The following PDE7B variants were observed in gnomAD, a reference collection of about 807,000 sequenced individuals.
PDE7B encodes the protein 3',5'-cyclic-AMP phosphodiesterase 7B.
A neutral mutation model predicts 56.2 loss-of-function variants in PDE7B; 29 were observed. That is an observed-to-expected ratio of 0.52 (90% CI 0.38 to 0.70). The LOEUF is 0.70. PDE7B is among the 30% of genes least tolerant of loss of function. PDE7B has a pLI of 0.00. For synonymous variants in PDE7B, 197 were observed against 196.9 expected, an observed-to-expected ratio of 1.00 and a Z score of 0.00; for missense variants, 490 against 565.0, an observed-to-expected ratio of 0.87 and a Z score of 1.35.
At chr6:136,191,150 C>T (rs1203982445) in intron 12 of PDE7B, among the ~76,000 whole-genome samples, 1 of 150,382 alleles carries the variant, frequency 6.6e-6, no homozygotes, top group Non-Finnish European at 1.5e-5. Context: ...ATTGTCATAA[C>T]AACCCTACGA....
chr6:136,083,929 T>C (rs532927507), intron 2 of PDE7B, among the ~76,000 whole-genome samples: 2 of 152,352 alleles, frequency 1.3e-5, no homozygotes, highest in African/African-American at 4.8e-5. Context: ...ATTAGCATTG[T>C]TGTAAATTTA....
At chr6:135,886,410 T>A (rs1334279475) in intron 1 of PDE7B, among the ~76,000 whole-genome samples, 1 of 152,038 alleles carries the variant, frequency 6.6e-6, no homozygotes, top group Non-Finnish European at 1.5e-5. Context: ...TGGGTATAAG[T>A]GGTTTTTGGT....
chr6:136,149,371 G>T (rs578139030), intron 5 of PDE7B, among the ~76,000 whole-genome samples: 33 of 152,264 alleles, frequency 2.2e-4, no homozygotes, highest in African/African-American at 7.9e-4. Flanking sequence ...GTTTCCTTGT[G>T]ACCTTGATCA....
chr6:136,089,086 A>G (rs974265645), intron 2 of PDE7B, among the ~76,000 whole-genome samples: 1 of 152,140 alleles, frequency 6.6e-6, no homozygotes, highest in African/African-American at 2.4e-5. Flanking sequence ...GAACTTCAGT[A>G]CCTCATTTTC....
At chr6:135,857,886 A>C (rs9494399) in intron 1 of PDE7B, among the ~76,000 whole-genome samples, 6,038 of 152,208 alleles carry the variant, frequency 0.04, 383 homozygotes, top group African/African-American at 0.14. Context: ...ATACTTTTTA[A>C]AAATTTCTGG....
At chr6:136,090,088 A>T (rs1451574414) in intron 2 of PDE7B, among the ~76,000 whole-genome samples, 1 of 152,174 alleles carries the variant, frequency 6.6e-6, no homozygotes, top group African/African-American at 2.4e-5. Context: ...TAACTCAAAA[A>T]GTGCTGTATT....
At chr6:135,858,728 C>A (rs1389021017) in intron 1 of PDE7B, among the ~76,000 whole-genome samples, 1 of 151,536 alleles carries the variant, frequency 6.6e-6, no homozygotes, top group African/African-American at 2.4e-5. Context: ...GTTACACGCC[C>A]AATTATTTGA....
chr6:135,853,170 C>G (rs1341281132), intron 1 of PDE7B, among the ~76,000 whole-genome samples: 1 of 152,146 alleles, frequency 6.6e-6, no homozygotes, highest in Non-Finnish European at 1.5e-5. Flanking sequence ...TCCAAAATTT[C>G]TAACCGATTT....
chr6:135,950,423 A>G (rs1458792915), intron 2 of PDE7B, among the ~76,000 whole-genome samples: 1 of 152,176 alleles, frequency 6.6e-6, no homozygotes, highest in Non-Finnish European at 1.5e-5. Flanking sequence ...GTAAAGGACT[A>G]TTGTGTTTTA....
At chr6:135,941,107 GC>G (rs1774499231) in intron 1 of PDE7B, among the ~76,000 whole-genome samples, 1 of 152,218 alleles carries the variant, frequency 6.6e-6, no homozygotes, top group Non-Finnish European at 1.5e-5. Flanking sequence ...GGTGAAAGCA[GC>G]CTGTGCTTAA....
At chr6:136,069,746 C>T (rs1323565474) in intron 2 of PDE7B, among the ~76,000 whole-genome samples, 2 of 152,016 alleles carry the variant, frequency 1.3e-5, no homozygotes, top group Non-Finnish European at 2.9e-5. Context: ...GTTAAAATCA[C>T]AATATCTTCA....
intron 1 of PDE7B, among the ~76,000 whole-genome samples, chr6:135,940,043 T>C (rs777609507): frequency 6.6e-6 from 1 of 151,366 alleles, no homozygotes; most frequent in African/African-American, 2.4e-5. Flanking sequence ...TCCATAAAGA[T>C]TTTTTTTTAA....
intron 2 of PDE7B, among the ~76,000 whole-genome samples, chr6:135,972,576 A>C (rs954527280): frequency 6.6e-6 from 1 of 152,168 alleles, no homozygotes; most frequent in African/African-American, 2.4e-5. Flanking sequence ...TGCACACATC[A>C]CACTGTGGTT....
intron 2 of PDE7B, 108 bp downstream of exon 2, chr6:135,947,632 G>C (rs1043624044): frequency 2.6e-6 from 2 of 774,192 alleles, no homozygotes; most frequent in African/African-American, 1.7e-5. Flanking sequence ...GAGGCTGATA[G>C]GTTCTTTTGT....
chr6:136,167,918 T>C (rs1413947741), intron 8 of PDE7B, among the ~76,000 whole-genome samples: 2 of 152,150 alleles, frequency 1.3e-5, no homozygotes, highest in African/African-American at 2.4e-5. Flanking sequence ...CTGAGTTTAA[T>C]AGGACACAGG....
intron 2 of PDE7B, among the ~76,000 whole-genome samples, chr6:135,957,403 A>G (rs2128200887): frequency 6.6e-6 from 1 of 152,314 alleles, no homozygotes; most frequent in Admixed American, 6.5e-5. Flanking sequence ...CTTTAAAATT[A>G]AAAAATACAG....
chr6:136,079,304 T>C (rs1442338754), intron 2 of PDE7B, among the ~76,000 whole-genome samples: 1 of 152,192 alleles, frequency 6.6e-6, no homozygotes, highest in Non-Finnish European at 1.5e-5. Context: ...AACCGTCACT[T>C]TATAGGCTTA....
chr6:136,036,765 G>A (rs1300012666), intron 2 of PDE7B, among the ~76,000 whole-genome samples: 1 of 152,204 alleles, frequency 6.6e-6, no homozygotes, highest in Non-Finnish European at 1.5e-5. Context: ...GGCATGCCAA[G>A]CAAAATAAAG....
rs1179088777 is a variant in PDE7B at position 136,176,598 on chromosome 6, C to G, written c.804-2399C>G. Among the ~76,000 whole-genome samples the G allele has an allele frequency of 4.6e-5, 7 of 152,044 alleles. No individual in the cohort carries two copies. The South Asian group carries it at 1.5e-3, about 32-fold the overall frequency. On this transcript the variant is annotated intron_variant, in intron 9 of 12. Coordinates refer to ENST00000308191, the MANE Select transcript of PDE7B (RefSeq NM_018945.4). ...TGTAAATAACAATAGAATACGCATC[C>G]TTGTAACATATCTTTACTAATTATA...
Sources: gnomAD v4.1 joint callset for allele counts (sites outside exome capture counted in the v4.1 genomes callset) on GRCh38, gnomAD v4.1.1 for gene constraint, MANE v1.5 for transcripts, NCBI Gene and HGNC (gene_info 2026-07-23, HGNC 2026-07-21) for gene names.